IPO11: variants seen among roughly 807,000 people sequenced by gnomAD.
IPO11 encodes importin-11.
Under a neutral mutation model 143.2 loss-of-function variants are expected in IPO11, and 66 were observed. The observed-to-expected ratio is 0.46, with a 90% CI of 0.38 to 0.57. IPO11 has a LOEUF of 0.57. Ranked by LOEUF, IPO11 falls within the 20% of genes least tolerant of loss-of-function variation. The probability of loss-of-function intolerance (pLI) is 0.00; values close to 1 mark genes in which losing one functional copy is unlikely to be tolerated. For missense variants in IPO11, 1,026 were observed against 1,141.0 expected, an observed-to-expected ratio of 0.90 and a Z score of 1.45; for synonymous variants, 385 against 377.8, an observed-to-expected ratio of 1.02 and a Z score of -0.22.
intron 5 of IPO11, among the ~76,000 whole-genome samples, chr5:62,455,098 A>G (rs1312919040): frequency 6.6e-6 from 1 of 152,240 alleles, no homozygotes; most frequent in African/African-American, 2.4e-5. Flanking sequence ...GTGGGAAGAC[A>G]TCATTATAAA....
intron 2 of IPO11, among the ~76,000 whole-genome samples, chr5:62,438,497 A>G (rs1744320272): frequency 6.6e-6 from 1 of 152,146 alleles, no homozygotes; most frequent in South Asian, 2.1e-4. Flanking sequence ...TCACTCCTGT[A>G]ATCCCAGCAC....
chr5:62,559,276 G>T (rs1447023030), intron 26 of IPO11, among the ~76,000 whole-genome samples: 1 of 151,990 alleles, frequency 6.6e-6, no homozygotes, highest in Non-Finnish European at 1.5e-5. Flanking sequence ...AAGACTGAAT[G>T]GTCCTCAGAG....
At chr5:62,617,301 G>GT (rs1251625070) in intron 29 of IPO11, among the ~76,000 whole-genome samples, 1 of 152,152 alleles carries the variant, frequency 6.6e-6, no homozygotes, top group Non-Finnish European at 1.5e-5. Flanking sequence ...TTTCCTCACA[G>GT]TTTATCTTCT....
intron 9 of IPO11, among the ~76,000 whole-genome samples, chr5:62,481,675 A>G (rs1234455991): frequency 6.6e-6 from 1 of 152,074 alleles, no homozygotes; most frequent in Non-Finnish European, 1.5e-5. Flanking sequence ...CCAGTATTTT[A>G]TTGAGGATTT....
chr5:62,560,902 T>A (rs1743747436), intron 26 of IPO11: 4 of 326,298 alleles, frequency 1.2e-5, no homozygotes, highest in Non-Finnish European at 2.2e-5. Context: ...ATGGGCTACA[T>A]ACATGTTTTG....
chr5:62,606,721 C>T (rs1456304889), intron 29 of IPO11, among the ~76,000 whole-genome samples: 3 of 152,126 alleles, frequency 2.0e-5, no homozygotes, highest in Admixed American at 6.6e-5. Context: ...CCTGTAGTCC[C>T]ATCTGCTGCA....
At chr5:62,444,736 G>GC (rs2112148442) in intron 3 of IPO11, among the ~76,000 whole-genome samples, 1 of 152,084 alleles carries the variant, frequency 6.6e-6, no homozygotes, top group East Asian at 1.9e-4. Flanking sequence ...AGGTGTGGTG[G>GC]CGGATGCCTG....
At chr5:62,489,191 T>A (rs1385537180) in intron 13 of IPO11, 111 bp from the exon 14 acceptor site, 1 of 550,440 alleles carries the variant, frequency 1.8e-6, no homozygotes, top group Non-Finnish European at 3.0e-6. Flanking sequence ...CCATGAAATG[T>A]GTTATACTTA....
intron 28 of IPO11, among the ~76,000 whole-genome samples, chr5:62,598,769 T>C: frequency 6.6e-6 from 1 of 151,568 alleles, no homozygotes; most frequent in Non-Finnish European, 1.5e-5. Context: ...GGTCTTGAAC[T>C]CCTGACCTCA....
At chr5:62,445,769 T>C (rs1036678310) in intron 3 of IPO11, among the ~76,000 whole-genome samples, 5 of 152,202 alleles carry the variant, frequency 3.3e-5, no homozygotes, top group Non-Finnish European at 7.3e-5. Flanking sequence ...AGGTTAGATA[T>C]ATTAAATAAA....
At chr5:62,505,716 A>T (rs2112264099) in intron 18 of IPO11, among the ~76,000 whole-genome samples, 1 of 152,210 alleles carries the variant, frequency 6.6e-6, no homozygotes, top group Non-Finnish European at 1.5e-5. Context: ...TTGATTTCCT[A>T]ATAAGAACTA....
At chr5:62,413,830 A>G (rs1743203859) in intron 1 of IPO11, among the ~76,000 whole-genome samples, 1 of 152,230 alleles carries the variant, frequency 6.6e-6, no homozygotes, top group African/African-American at 2.4e-5. Flanking sequence ...TCTGTTCAGT[A>G]GAGGAGCTTC....
intron 1 of IPO11, among the ~76,000 whole-genome samples, chr5:62,433,476 C>A (rs916697283): frequency 3.3e-5 from 5 of 152,170 alleles, no homozygotes; most frequent in African/African-American, 1.2e-4. Context: ...GTACTTTTCA[C>A]AATTTGTTTT....
chr5:62,522,288 G>GTTTTTTTT (rs111301961), intron 20 of IPO11, among the ~76,000 whole-genome samples: 105 of 140,194 alleles, frequency 7.5e-4, no homozygotes, highest in African/African-American at 2.6e-3. Context: ...ATTGTGGTGG[G>GTTTTTTTT]TTTTTTTTTT....
Position 62,494,078 on chromosome 5 carries a change from T to A in IPO11, c.1544T>A (p.Met515Lys). The change falls in exon 16 of 30, where the codon ATG becomes AAG. Residue 515 changes from methionine to lysine, a missense_variant. By Grantham distance (95) the Met-to-Lys change is moderately conservative. Around this residue, in one of 5 missense-constraint regions of IPO11, gnomAD observed 237 missense variants for 288.0 expected, o/e 0.82. Transcript: ENST00000325324. ...SVKFKSDLRP[M>K]LYEAICNLLQ... Reference sequence around the variant, plus strand: ...AAATTCAAGTCTGACTTAAGACCCATGCTTTATGAAGCAATCTGTAACTTG... The same window carrying A: ...AAATTCAAGTCTGACTTAAGACCCAAGCTTTATGAAGCAATCTGTAACTTG... 6.2e-7 allele frequency: 1 copy of A among 1,613,398 alleles called. No homozygotes were observed. The highest frequency in any genetic ancestry group is 8.5e-7 in the Non-Finnish European group (1 of 1,179,596).
chr5:62,580,621 G>A, intron 27 of IPO11: 1 of 1,551,416 alleles, frequency 6.4e-7, no homozygotes, highest in Non-Finnish European at 8.7e-7. Flanking sequence ...GCGTGGCAGA[G>A]CATTACGTTA....
rs555045745 is a variant in IPO11, at chr5:62,514,963, T to G, written c.1783-425T>G. On this transcript the variant is annotated intron_variant, in intron 19 of 29. Coordinates refer to ENST00000325324, the MANE Select transcript of IPO11 (RefSeq NM_016338.5). ...TTGTCTGGCTGTCTGTGTATCCTTT[T>G]CTGTCCAGTGCCTTGTGTTCAGGGC... 5.9e-5 allele frequency among the ~76,000 whole-genome samples: 9 copies of G among 152,338 alleles called. No homozygotes were observed. In the East Asian group the frequency reaches 7.7e-4, roughly 13 times the overall value.
intron 22 of IPO11, among the ~76,000 whole-genome samples, chr5:62,536,467 T>G (rs1047602582): frequency 6.6e-6 from 1 of 151,976 alleles, no homozygotes. Context: ...TGAGACAGGG[T>G]CTCACTCTTT....
At position 62,452,434 on chromosome 5, in the gene IPO11, A is replaced by G. The variant is rs114307464; in HGVS notation, c.516+501A>G. On this transcript the variant is annotated intron_variant, in intron 5 of 29. Transcript: ENST00000325324. The stretch of plus-strand genomic sequence containing the variant: ...GGTTGTTGGATACACTCTGAAGGCA[A>G]GGAGGTCAGTTTGAGGCAAAGGAAG... 7.6e-3 allele frequency among the ~76,000 whole-genome samples: 1,153 copies of G among 151,074 alleles called. 80 individuals carry two copies. Among genetic ancestry groups the G allele is most frequent in the African/African-American group, 0.027 (1,086 of 40,390 alleles).
Sources: allele counts gnomAD v4.1 joint callset (sites outside exome capture counted in the v4.1 genomes callset), GRCh38; gene constraint gnomAD v4.1.1; regional missense constraint gnomAD v4.1.1; transcripts MANE v1.5; gene names NCBI Gene and HGNC (gene_info 2026-07-23, HGNC 2026-07-21).